The following KCNQ5 variants were observed in gnomAD, a reference collection of about 807,000 sequenced individuals.
KCNQ5 encodes the protein potassium voltage-gated channel subfamily Q member 5.
Under a neutral mutation model 98.2 loss-of-function variants are expected in KCNQ5, and 30 were observed. That is an observed-to-expected ratio of 0.31 (90% CI 0.23 to 0.41). KCNQ5 has a LOEUF of 0.41. Ranked by LOEUF, KCNQ5 falls within the 10% of genes least tolerant of loss-of-function variation. The pLI is 1.00. For synonymous variants in KCNQ5, 458 were observed against 449.4 expected (o/e 1.02, Z -0.24); for missense variants, 835 against 1,182.5 (o/e 0.71, Z 4.31).
At chr6:73,190,315 C>T (rs1047110120) in intron 11 of KCNQ5, among the ~76,000 whole-genome samples, 5 of 152,134 alleles carry the variant, frequency 3.3e-5, no homozygotes, top group Non-Finnish European at 2.9e-5. Context: ...TTTCAACGGA[C>T]ATTAAAAAGG....
At chr6:72,977,482 G>A (rs1327721902) in intron 1 of KCNQ5, among the ~76,000 whole-genome samples, 2 of 152,168 alleles carry the variant, frequency 1.3e-5, no homozygotes, top group African/African-American at 4.8e-5. Flanking sequence ...GTCTGGATGT[G>A]ATAGCAAGGG....
intron 5 of KCNQ5, among the ~76,000 whole-genome samples, chr6:73,089,502 C>G (rs1030806803): frequency 3.3e-5 from 5 of 152,140 alleles, no homozygotes; most frequent in Non-Finnish European, 7.4e-5. Context: ...TTTTGGTGCA[C>G]CCATCACCCA....
intron 11 of KCNQ5, among the ~76,000 whole-genome samples, chr6:73,172,429 C>CAT (rs1168089411): frequency 3.3e-5 from 5 of 152,140 alleles, no homozygotes; most frequent in Admixed American, 2.0e-4. Context: ...CTAATAGATA[C>CAT]ACTCAATAGC....
chr6:72,741,711 G>C (rs1771138236), intron 1 of KCNQ5, among the ~76,000 whole-genome samples: 2 of 152,088 alleles, frequency 1.3e-5, no homozygotes, highest in Non-Finnish European at 2.9e-5. Flanking sequence ...AGGAAACATA[G>C]CTTACCCCAT....
At chr6:72,880,084 C>T (rs1373473991) in intron 1 of KCNQ5, among the ~76,000 whole-genome samples, 1 of 152,126 alleles carries the variant, frequency 6.6e-6, no homozygotes, top group African/African-American at 2.4e-5. Flanking sequence ...TTTCAGTCTG[C>T]CCTTTCCCCA....
intron 1 of KCNQ5, among the ~76,000 whole-genome samples, chr6:72,838,949 C>CAAAAAAA (rs67894922): frequency 0.094 from 5,489 of 58,446 alleles, 627 homozygotes; most frequent in South Asian, 0.14. Context: ...GACTCCGTCT[C>CAAAAAAA]AAAAAAAAAA....
chr6:73,035,786 T>A (rs1337984958), intron 2 of KCNQ5, among the ~76,000 whole-genome samples: 2 of 152,196 alleles, frequency 1.3e-5, no homozygotes, highest in African/African-American at 4.8e-5. Flanking sequence ...ATGGCTTTTT[T>A]AAATTTAAAT....
At chr6:72,640,168 A>G (rs931420691) in intron 1 of KCNQ5, among the ~76,000 whole-genome samples, 3 of 152,100 alleles carry the variant, frequency 2.0e-5, no homozygotes, top group Admixed American at 6.6e-5. Context: ...AAGGCTGGCA[A>G]CTTTGTAGCC....
At chr6:73,183,954 G>T (rs3757105) in intron 11 of KCNQ5, among the ~76,000 whole-genome samples, 1 of 152,010 alleles carries the variant, frequency 6.6e-6, no homozygotes, top group South Asian at 2.1e-4. Context: ...AAAAACTGAG[G>T]TTGTATTCTT....
chr6:72,923,465 T>C (rs912815657), intron 1 of KCNQ5, among the ~76,000 whole-genome samples: 1 of 152,170 alleles, frequency 6.6e-6, no homozygotes, highest in Non-Finnish European at 1.5e-5. Flanking sequence ...CAGTTTTAAT[T>C]TTCATTTCCC....
chr6:72,825,874 A>G (rs1775971050), intron 1 of KCNQ5, among the ~76,000 whole-genome samples: 1 of 152,170 alleles, frequency 6.6e-6, no homozygotes, highest in Admixed American at 6.6e-5. Context: ...GGAATGTTTT[A>G]TGTTTAAATG....
intron 1 of KCNQ5, among the ~76,000 whole-genome samples, chr6:72,769,470 T>C (rs1772746554): frequency 6.6e-6 from 1 of 152,012 alleles, no homozygotes; most frequent in Non-Finnish European, 1.5e-5. Flanking sequence ...AAAATATCGA[T>C]GTCTAAGCTC....
rs182264286 is a variant in KCNQ5, at chr6:72,934,845, C to T, written c.399-69063C>T. ...AGCATCTCACTTCTTATTCTTGCAACAGTCACTTTAGTGTCCCCAATCCCA... is the reference window on the plus strand; with the variant it reads ...AGCATCTCACTTCTTATTCTTGCAATAGTCACTTTAGTGTCCCCAATCCCA... On this transcript the variant is annotated intron_variant, in intron 1 of 13. Transcript: ENST00000370398. 2.0e-5 allele frequency among the ~76,000 whole-genome samples: 3 copies of T among 152,258 alleles called. No homozygotes were observed. The East Asian group carries it at 5.8e-4, about 29-fold the overall frequency.
intron 1 of KCNQ5, among the ~76,000 whole-genome samples, chr6:72,969,395 T>C (rs2150281306): frequency 6.6e-6 from 1 of 152,346 alleles, no homozygotes; most frequent in South Asian, 2.1e-4. Context: ...GTAAACTTGC[T>C]GAAATTCAGT....
intron 1 of KCNQ5, among the ~76,000 whole-genome samples, chr6:72,732,872 C>T (rs1363461744): frequency 6.6e-6 from 1 of 152,020 alleles, no homozygotes; most frequent in South Asian, 2.1e-4. Flanking sequence ...AAAGAAACTA[C>T]AGTATTTGGC....
chr6:72,635,272 C>G (rs2098923383), intron 1 of KCNQ5, among the ~76,000 whole-genome samples: 1 of 152,048 alleles, frequency 6.6e-6, no homozygotes, highest in Admixed American at 6.6e-5. Context: ...TCAAGCAATC[C>G]TCCCGCCTTG....
chr6:72,948,783 G>A (rs1025300967), intron 1 of KCNQ5, among the ~76,000 whole-genome samples: 6 of 152,068 alleles, frequency 3.9e-5, no homozygotes, highest in African/African-American at 1.4e-4. Flanking sequence ...ATTTTATAAA[G>A]AGAAGATGAA....
intron 1 of KCNQ5, among the ~76,000 whole-genome samples, chr6:72,665,300 A>G (rs1434612454): frequency 6.7e-6 from 1 of 149,816 alleles, no homozygotes; most frequent in East Asian, 2.0e-4. Context: ...GTGAGCCAAG[A>G]TCATGCCACC....
intron 5 of KCNQ5, among the ~76,000 whole-genome samples, chr6:73,101,169 AC>A (rs1223031202): frequency 6.6e-6 from 1 of 152,180 alleles, no homozygotes; most frequent in Non-Finnish European, 1.5e-5. Context: ...CCAAAACCAG[AC>A]AAAAAATGCA....
Sources: gnomAD v4.1 joint callset for allele counts (sites outside exome capture counted in the v4.1 genomes callset) on GRCh38, gnomAD v4.1.1 for gene constraint, MANE v1.5 for transcripts, NCBI Gene and HGNC (gene_info 2026-07-23, HGNC 2026-07-21) for gene names.